The following RPS24 variants were observed in gnomAD, a reference collection of about 807,000 sequenced individuals.
RPS24 encodes small ribosomal subunit protein eS24.
For missense variants in RPS24, 100 were observed against 162.5 expected, an observed-to-expected ratio of 0.62 and a Z score of 2.09; for synonymous variants, 72 against 55.6, an observed-to-expected ratio of 1.30 and a Z score of -1.31.
intron 4 of RPS24, among the ~76,000 whole-genome samples, chr10:78,047,905 A>G (rs1356057714): frequency 1.3e-5 from 2 of 152,212 alleles, no homozygotes; most frequent in African/African-American, 2.4e-5. Context: ...TGCTGGGTCC[A>G]AGACCTGTTT....
chr10:78,045,291 G>T (rs1848031893), downstream of RPS24, among the ~76,000 whole-genome samples: 1 of 152,068 alleles, frequency 6.6e-6, no homozygotes, highest in South Asian at 2.1e-4. Context: ...CTGGCCCCAA[G>T]TATTAATAAC....
At chr10:78,036,942 A>ACAGC (rs145520881) in intron 3 of RPS24, among the ~76,000 whole-genome samples, 4 of 152,324 alleles carry the variant, frequency 2.6e-5, no homozygotes, top group African/African-American at 9.6e-5. Context: ...CTGGACAAGA[A>ACAGC]CAGCCAGTCT....
downstream of RPS24, among the ~76,000 whole-genome samples, chr10:78,043,963 C>T (rs1037577136): frequency 2.0e-5 from 3 of 152,092 alleles, no homozygotes; most frequent in Non-Finnish European, 4.4e-5. Context: ...ATTTACCTCC[C>T]TCTCCCTTCC....
At chr10:78,046,900 C>T (rs1848049017) in intron 4 of RPS24, among the ~76,000 whole-genome samples, 1 of 152,066 alleles carries the variant, frequency 6.6e-6, no homozygotes, top group African/African-American at 2.4e-5. Context: ...GCAGTGTCAC[C>T]AGGGAACTTG....
At chr10:78,034,235 C>G (rs1428078633) in intron 1 of RPS24, 1 of 498,620 alleles carries the variant, frequency 2.0e-6, no homozygotes, top group Admixed American at 3.3e-5. Flanking sequence ...TCTGCAGTTC[C>G]TCATTGGGCT....
chr10:78,037,772 G>T, intron 4 of RPS24: 1 of 376,658 alleles, frequency 2.7e-6, no homozygotes, highest in Non-Finnish European at 4.8e-6. Context: ...AGTTGGCCAA[G>T]ACAAGTGATT....
downstream of RPS24, among the ~76,000 whole-genome samples, chr10:78,042,208 G>T (rs143438721): frequency 6.6e-5 from 10 of 152,290 alleles, no homozygotes; most frequent in East Asian, 1.9e-3. Flanking sequence ...GCATCTGTTG[G>T]GACAGGTATT....
intron 4 of RPS24, among the ~76,000 whole-genome samples, chr10:78,046,718 T>C (rs1848047590): frequency 6.6e-6 from 1 of 152,132 alleles, no homozygotes; most frequent in Non-Finnish European, 1.5e-5. Context: ...AAATTGAGGC[T>C]CAAAGAGGTT....
exon 5 of RPS24, chr10:78,055,255 C>T (rs1848139656): frequency 2.3e-6 from 1 of 430,354 alleles, no homozygotes; most frequent in Non-Finnish European, 3.9e-6. Context: ...GCTCCTACCA[C>T]ATTTAAGGCT....
intron 1 of RPS24, chr10:78,034,145 T>TG (rs1463581669): frequency 6.4e-6 from 2 of 310,126 alleles, no homozygotes; most frequent in Non-Finnish European, 1.2e-5. Flanking sequence ...CAGGAGCTGT[T>TG]GCGCTTGTTG....
exon 5 of RPS24, chr10:78,056,690 G>A (rs1848152005): frequency 6.6e-6 from 1 of 152,210 alleles, no homozygotes; most frequent in African/African-American, 2.4e-5. Context: ...TGACAATTTG[G>A]AGCAGGGCAG....
chr10:78,045,950 C>T (rs568325450), intron 4 of RPS24, among the ~76,000 whole-genome samples: 4 of 151,928 alleles, frequency 2.6e-5, no homozygotes, highest in South Asian at 2.1e-4. Context: ...TGCAGTGAGC[C>T]GAGACCATGC....
exon 5 of RPS24, chr10:78,054,665 C>T (rs1342784602): frequency 5.2e-6 from 8 of 1,551,526 alleles, no homozygotes; most frequent in Admixed American, 2.0e-5. Flanking sequence ...GACCGTGGAG[C>T]GTGTGGACAT....
Position 78,037,314 on chromosome 10 carries a change from A to G in RPS24, c.390+10A>G, listed in dbSNP as rs1375876229. 1 of 1,585,240 alleles carries G rather than the reference A, an allele frequency of 6.3e-7. No individual in the cohort carries two copies. Among genetic ancestry groups the G allele is most frequent in the South Asian group, 1.2e-5 (1 of 86,822 alleles). ...TGGTGCTGGCAAAAAGGTATAGTTC[A>G]TTAAGGAAAATATAGAAACGTCATT... On this transcript the variant is annotated intron_variant, in intron 4 of 5. Coordinates refer to ENST00000372360, the MANE Select transcript of RPS24 (RefSeq NM_033022.4).
At chr10:78,046,386 C>T (rs901813918) in intron 4 of RPS24, among the ~76,000 whole-genome samples, 6 of 135,372 alleles carry the variant, frequency 4.4e-5, no homozygotes, top group African/African-American at 1.5e-4. Context: ...CTCGCTCTGT[C>T]ACCCAGGCTG....
downstream of RPS24, among the ~76,000 whole-genome samples, chr10:78,043,892 G>T (rs1188571771): frequency 1.3e-5 from 2 of 152,142 alleles, no homozygotes; most frequent in Non-Finnish European, 2.9e-5. Context: ...CAAAAGTGAT[G>T]ATCCTCTTGA....
intron 4 of RPS24, among the ~76,000 whole-genome samples, chr10:78,052,966 A>G (rs933646875): frequency 1.3e-5 from 2 of 152,052 alleles, no homozygotes; most frequent in South Asian, 2.1e-4. Context: ...GTCCTTACCA[A>G]TATGGTGAAA....
At chr10:78,054,381 CT>C in intron 4 of RPS24, 1 of 736,042 alleles carries the variant, frequency 1.4e-6, no homozygotes, top group South Asian at 2.1e-5. Flanking sequence ...CCCAAGTGCC[CT>C]TCCTTCAAGC....
downstream of RPS24, among the ~76,000 whole-genome samples, chr10:78,041,010 G>GT (rs370235875): frequency 5.8e-4 from 87 of 149,070 alleles, no homozygotes; most frequent in East Asian, 5.7e-3. Context: ...ACAGTGAGGT[G>GT]TTTTTTTTTT....
Sources: gnomAD v4.1 joint callset for allele counts (sites outside exome capture counted in the v4.1 genomes callset) on GRCh38, gnomAD v4.1.1 for gene constraint, MANE v1.5 for transcripts, NCBI Gene and HGNC (gene_info 2026-07-23, HGNC 2026-07-21) for gene names.